Variants in CCDC134 observed in about 807,000 individuals in gnomAD.
CCDC134 encodes coiled-coil domain-containing protein 134.
A neutral mutation model predicts 25.6 loss-of-function variants in CCDC134; 27 were observed. The ratio of observed to expected loss-of-function variants is 1.05; its 90% confidence interval spans 0.78 to 1.45. The LOEUF is 1.45. Ranked by LOEUF, CCDC134 falls within the 40% of genes most tolerant of loss-of-function variation. The pLI, the probability that CCDC134 is intolerant of heterozygous loss-of-function variation, is 0.00. For synonymous variants in CCDC134, 110 were observed against 115.0 expected (o/e 0.96, Z 0.28); for missense variants, 261 against 286.7 (o/e 0.91, Z 0.65).
chr22:41,831,116 C>G lies in CCDC134; in HGVS notation c.*5293C>G, dbSNP rs1469365900. 4 of 151,894 alleles carry G rather than the reference C, an allele frequency of 2.6e-5. No homozygotes were observed. The highest frequency in any genetic ancestry group is 5.9e-5 in the Non-Finnish European group (4 of 68,070). The allele number at this position is 151,894 out of a possible 1,614,324, so 9.4% of individuals were successfully genotyped here. On this transcript the variant is annotated 3_prime_UTR_variant, in exon 7 of 7. Transcript: ENST00000255784. ...GGCCAAGCTGGTCTCGAACTCCCGA[C>G]CTCAGGCAATCCGCCCACCTCAGCC...
chr22:41,829,703 A>G lies in CCDC134; in HGVS notation c.*3880A>G, dbSNP rs1001955412. 3.9e-5 allele frequency among the ~76,000 whole-genome samples: 6 copies of G among 152,212 alleles called. No homozygotes were observed. Among genetic ancestry groups the G allele is most frequent in the Admixed American group, 2.6e-4 (4 of 15,274 alleles). On this transcript the variant is annotated 3_prime_UTR_variant, in exon 7 of 7. Transcript: ENST00000255784. Reference sequence around the variant, plus strand: ...AATTATCTTCTGTGACCCGTAGCACATGCCCAATCCATGGTAGATATCGAA... The same window carrying G: ...AATTATCTTCTGTGACCCGTAGCACGTGCCCAATCCATGGTAGATATCGAA...
At chr22:41,810,536 G>A (rs111817365) in intron 4 of CCDC134, among the ~76,000 whole-genome samples, 8,163 of 124,568 alleles carry the variant, frequency 0.066, 834 homozygotes, top group African/African-American at 0.24. Context: ...TCACTCTGTC[G>A]CCAGGCTGGA....
At chr22:41,813,478 C>T (rs1320320664) in intron 5 of CCDC134, 33 bp downstream of exon 5, 2 of 1,612,040 alleles carry the variant, frequency 1.2e-6, no homozygotes, top group South Asian at 2.2e-5. Context: ...CCCGGGAGCC[C>T]TCTGTCGGGT....
At chr22:41,823,712 G>A (rs77558954) in intron 6 of CCDC134, among the ~76,000 whole-genome samples, 2,628 of 152,258 alleles carry the variant, frequency 0.017, 74 homozygotes, top group African/African-American at 0.059. Context: ...TGGACAGGAC[G>A]CCCTCCCATC....
In CCDC134 at chr22:41,809,989, G is replaced by A. The variant is rs758204147; in HGVS notation, c.214G>A (p.Gly72Arg). ...CAAGATCCTTGATGTCATGCTCAAG[G>A]GGCTCTTTAAGGTGTGTGCAGGCAG... ...QYKILDVMLK[G>R]LFKVLEDSRT... is the part of the protein sequence containing the mutation. The change falls in exon 3 of 7, where the codon GGG becomes AGG. Residue 72 changes from glycine (G) to arginine (R), a missense_variant. Transcript: ENST00000255784. 6.2e-7 allele frequency: 1 copy of A among 1,614,136 alleles called. No individual in the cohort carries two copies.
chr22:41,802,830 C>T (rs1254339454), intron 1 of CCDC134, among the ~76,000 whole-genome samples: 3 of 151,882 alleles, frequency 2.0e-5, no homozygotes, highest in East Asian at 1.9e-4. Flanking sequence ...AGGAGAATGG[C>T]GTGAACCCAG....
rs1395757387 is a variant in CCDC134, at chr22:41,828,412, T to C, written c.*2589T>C. 1.3e-5 allele frequency among the ~76,000 whole-genome samples: 2 copies of C among 152,090 alleles called. No individual in the cohort carries two copies. The highest frequency in any genetic ancestry group is 6.5e-5 in the Admixed American group (1 of 15,274). ...CTGCTATATATGCAGAGCCAAAGAG[T>C]GGGGCCTGGTCTTGAACTATCTCCT... is the stretch of plus-strand genomic sequence containing the variant. On this transcript the variant is annotated 3_prime_UTR_variant, in exon 7 of 7. Transcript: ENST00000255784.
chr22:41,804,315 C>T (rs1226518155), intron 1 of CCDC134, among the ~76,000 whole-genome samples: 1 of 152,150 alleles, frequency 6.6e-6, no homozygotes, highest in Non-Finnish European at 1.5e-5. Flanking sequence ...AGGCACAAGG[C>T]TTGTACCTTA....
chr22:41,813,531 C>T (rs186677881), intron 5 of CCDC134, 86 bp downstream of exon 5: 29 of 1,465,460 alleles, frequency 2.0e-5, no homozygotes, highest in South Asian at 4.8e-5. Flanking sequence ...TGGGCCTGAA[C>T]GTCAGTGCTT....
chr22:41,801,128 G>C (rs1354889466), intron 1 of CCDC134, among the ~76,000 whole-genome samples: 2 of 152,200 alleles, frequency 1.3e-5, no homozygotes, highest in Non-Finnish European at 2.9e-5. Flanking sequence ...TGCTGTTCTG[G>C]CTTTTCTTTC....
chr22:41,809,452 C>T (rs183395549), intron 2 of CCDC134, among the ~76,000 whole-genome samples: 1 of 152,256 alleles, frequency 6.6e-6, no homozygotes, highest in East Asian at 1.9e-4. Flanking sequence ...CTCTGATGGG[C>T]ACAGGAGGGG....
At chr22:41,804,430 C>T (rs1263662228) in intron 1 of CCDC134, among the ~76,000 whole-genome samples, 1 of 152,150 alleles carries the variant, frequency 6.6e-6, no homozygotes, top group Non-Finnish European at 1.5e-5. Context: ...AATTCAGGAG[C>T]TAGTCCAGTA....
chr22:41,805,639 A>C (rs529044532), intron 1 of CCDC134, among the ~76,000 whole-genome samples: 12 of 152,192 alleles, frequency 7.9e-5, no homozygotes, highest in African/African-American at 2.9e-4. Context: ...TATATGTCAT[A>C]AACACATTAC....
chr22:41,817,650 T>A (rs1397990580), intron 6 of CCDC134, among the ~76,000 whole-genome samples: 1 of 151,982 alleles, frequency 6.6e-6, no homozygotes, highest in Non-Finnish European at 1.5e-5. Flanking sequence ...GAGAATCGCT[T>A]GAACCCGGGA....
At chr22:41,822,612 T>C (rs1385752145) in intron 6 of CCDC134, among the ~76,000 whole-genome samples, 1 of 152,186 alleles carries the variant, frequency 6.6e-6, no homozygotes, top group Non-Finnish European at 1.5e-5. Context: ...GTTTCTCTTC[T>C]GACCCGGCTA....
Position 41,813,290 on chromosome 22 carries a change from G to A in CCDC134, c.337G>A (p.Ala113Thr). Residue 113 changes from alanine to threonine, a missense_variant, in exon 5 of 7, where the codon GCC becomes ACC. Ala to Thr is a moderately conservative substitution (Grantham distance 58, BLOSUM62 0). Coordinates refer to ENST00000255784, the MANE Select transcript of CCDC134 (RefSeq NM_024821.5). ...DAFSHVVENTAFFGDVVLRFP... is the reference protein window; with the variant it reads ...DAFSHVVENTTFFGDVVLRFP... ...TTTCTCCCACGTGGTGGAGAACACG[G>A]CCTTCTTCGGCGATGTGGTGCTGCG... 1.2e-6 allele frequency: 2 copies of A among 1,614,196 alleles called. No individual in the cohort carries two copies. Among genetic ancestry groups the A allele is most frequent in the Non-Finnish European group, 1.7e-6 (2 of 1,180,036 alleles).
rs1602247262 is a variant in CCDC134, at chr22:41,825,132, C to T, written c.565-566C>T. ...AGACAGGCATTTGGAAATGGAGATGCAAGTTTGAGGGGTAACTAACCACAC... is the reference window on the plus strand; with the variant it reads ...AGACAGGCATTTGGAAATGGAGATGTAAGTTTGAGGGGTAACTAACCACAC... On this transcript the variant is annotated intron_variant, in intron 6 of 6. Transcript: ENST00000255784. The surrounding 1 kb of genome is among the most constrained non-coding windows in gnomAD (Gnocchi z 4.4). 6.6e-6 allele frequency among the ~76,000 whole-genome samples: 1 copy of T among 151,960 alleles called. No individual in the cohort carries two copies. Among genetic ancestry groups the T allele is most frequent in the Non-Finnish European group, 1.5e-5 (1 of 67,986 alleles).
chr22:41,806,930 C>T (rs2148305543), intron 1 of CCDC134, among the ~76,000 whole-genome samples: 1 of 152,154 alleles, frequency 6.6e-6, no homozygotes, highest in South Asian at 2.1e-4. Context: ...AACTGTAATC[C>T]CAGCTACTCG....
At position 41,825,554 on chromosome 22, in the gene CCDC134, C is replaced by T. The variant is rs531212807; in HGVS notation, c.565-144C>T. ...CTTCCAACACCCACTCAGCAGTTCT[C>T]CCAAACCCATTTCCTGTCTCCGTGT... On this transcript the variant is annotated intron_variant, in intron 6 of 6. Coordinates refer to ENST00000255784, the MANE Select transcript of CCDC134 (RefSeq NM_024821.5). The surrounding 1 kb of genome is among the most constrained non-coding windows in gnomAD (Gnocchi z 4.4). The T allele has an allele frequency of 5.8e-5, 63 of 1,094,544 alleles. No homozygotes were observed. In the African/African-American group the frequency reaches 8.6e-4, roughly 15 times the overall value. The allele number at this position is 1,094,544 out of a possible 1,614,324, so 67.8% of individuals were successfully genotyped here.
Sources: allele counts gnomAD v4.1 joint callset (sites outside exome capture counted in the v4.1 genomes callset), GRCh38; gene constraint gnomAD v4.1.1; non-coding constraint Gnocchi (gnomAD v3.1); transcripts MANE v1.5; gene names NCBI Gene and HGNC (gene_info 2026-07-23, HGNC 2026-07-21).